The following CELA3A variants were observed in gnomAD, a reference collection of about 807,000 sequenced individuals.
CELA3A encodes chymotrypsin-like elastase family member 3A.
In CELA3A, 35 loss-of-function variants were observed where a neutral mutation model predicts 38.6. That is an observed-to-expected ratio of 0.91 (90% CI 0.69 to 1.20). The LOEUF (loss-of-function observed/expected upper bound fraction) is 1.20, where lower values mean the gene tolerates loss of function less well. Among genes scored for constraint, CELA3A ranks in the 50% most tolerant of loss-of-function variants. CELA3A has a pLI of 0.00. For missense variants in CELA3A, 343 were observed against 354.2 expected, an observed-to-expected ratio of 0.97 and a Z score of 0.25; for synonymous variants, 143 against 136.7, an observed-to-expected ratio of 1.05 and a Z score of -0.32.
intron 1 of CELA3A, chr1:22,002,750 G>A: frequency 6.0e-6 from 3 of 497,386 alleles, no homozygotes; most frequent in Non-Finnish European, 1.1e-5. Flanking sequence ...TGTTCTAAGT[G>A]TATCAAGCTC....
chr1:22,007,278 G>A (rs1644956453), intron 5 of CELA3A, 95 bp from the exon 6 acceptor site: 1 of 1,499,002 alleles, frequency 6.7e-7, no homozygotes, highest in Admixed American at 2.1e-5. Flanking sequence ...GTCCTCATCA[G>A]GGCAGAAGAA....
At position 22,005,698 on chromosome 1, in the gene CELA3A, C is replaced by A. The variant is rs765532472; in HGVS notation, c.264C>A (p.Tyr88Ter). The change falls in exon 4 of 8, where the codon TAC becomes TAA. Residue 88 changes from tyrosine to a stop codon, truncating the protein, a stop_gained. Transcript: ENST00000290122. LOFTEE classifies it high-confidence loss of function. Reference sequence around the variant, plus strand: ...CCTACCAGGTGGTGTTGGGTGAGTACAACCTTGCTGTGAAGGAGGGCCCCG... The same window carrying A: ...CCTACCAGGTGGTGTTGGGTGAGTAAAACCTTGCTGTGAAGGAGGGCCCCG... ...DLTYQVVLGE[Y>*]NLAVKEGPEQ... is the part of the protein sequence containing the mutation. The A allele has an allele frequency of 1.9e-6, 3 of 1,612,280 alleles. No individual in the cohort carries two copies. The highest frequency in any genetic ancestry group is 1.1e-5 in the South Asian group (1 of 91,032).
At chr1:22,005,625 C>T in intron 3 of CELA3A, 37 bp from the exon 4 acceptor site, 1 of 1,612,142 alleles carries the variant, frequency 6.2e-7, no homozygotes, top group Non-Finnish European at 8.5e-7. Flanking sequence ...GGGAGGTGAG[C>T]CAGTCAGGCC....
In CELA3A at chr1:22,005,700, A is replaced by G. The variant is rs1368516412; in HGVS notation, c.266A>G (p.Asn89Ser). ...LTYQVVLGEYNLAVKEGPEQV... is the reference protein window; with the variant it reads ...LTYQVVLGEYSLAVKEGPEQV... ...TACCAGGTGGTGTTGGGTGAGTACAACCTTGCTGTGAAGGAGGGCCCCGAG... is the reference window on the plus strand; with the variant it reads ...TACCAGGTGGTGTTGGGTGAGTACAGCCTTGCTGTGAAGGAGGGCCCCGAG... Residue 89 changes from asparagine (N) to serine (S), a missense_variant, in exon 4 of 8, where the codon AAC (asparagine) becomes AGC (serine). Transcript: ENST00000290122. The G allele has an allele frequency of 6.2e-7, 1 of 1,612,284 alleles. No individual in the cohort carries two copies. Among genetic ancestry groups the G allele is most frequent in the South Asian group, 1.1e-5 (1 of 91,024 alleles).
At chr1:22,009,313 G>C (rs1644969617) in intron 6 of CELA3A, among the ~76,000 whole-genome samples, 1 of 151,300 alleles carries the variant, frequency 6.6e-6, no homozygotes, top group Admixed American at 6.6e-5. Context: ...GCAGTGAGCT[G>C]AGATCCTGCC....
chr1:22,009,840 A>G lies in CELA3A; in HGVS notation c.778A>G (p.Ile260Val), dbSNP rs755056238. ...GGTGTTCACTCGAGTCTCCGCCTTC[A>G]TCGACTGGATTGAGGAGGTGAGGAG... ...PTVFTRVSAF[I>V]DWIEETIASH The change falls in exon 7 of 8, where the codon ATC becomes GTC. Residue 260 changes from isoleucine to valine, a missense_variant. By Grantham distance (29) the Ile-to-Val change is conservative. Coordinates refer to ENST00000290122, the MANE Select transcript of CELA3A (RefSeq NM_005747.5). 221 of 1,612,452 alleles carry G rather than the reference A, an allele frequency of 1.4e-4. 3 individuals carry two copies. The highest frequency in any genetic ancestry group is 1.8e-4 in the Non-Finnish European group (211 of 1,179,616).
chr1:22,011,846 A>G (rs1644985174), intron 7 of CELA3A, among the ~76,000 whole-genome samples: 1 of 125,986 alleles, frequency 7.9e-6, no homozygotes, highest in African/African-American at 3.3e-5. Context: ...CGAGGTCAGG[A>G]GATTGAGACC....
intron 7 of CELA3A, 151 bp from the exon 8 acceptor site, chr1:22,012,299 C>T: frequency 9.0e-7 from 1 of 1,115,432 alleles, no homozygotes; most frequent in Non-Finnish European, 1.3e-6. Context: ...AAGTTCTATC[C>T]CTACTACATA....
intron 7 of CELA3A, 32 bp downstream of exon 7, chr1:22,009,889 A>G (rs769918477): frequency 1.3e-6 from 2 of 1,597,608 alleles, no homozygotes; most frequent in East Asian, 4.5e-5. Context: ...GGAGGGCTTT[A>G]GGGTGGTGGC....
intron 2 of CELA3A, among the ~76,000 whole-genome samples, chr1:22,003,423 G>A (rs1223190614): frequency 6.6e-6 from 1 of 151,040 alleles, no homozygotes; most frequent in East Asian, 2.0e-4. Flanking sequence ...GATACTACAG[G>A]GCTTTGAGGT....
At chr1:22,011,312 C>T (rs1487087597) in intron 7 of CELA3A, among the ~76,000 whole-genome samples, 1 of 146,918 alleles carries the variant, frequency 6.8e-6, no homozygotes, top group Non-Finnish European at 1.5e-5. Flanking sequence ...ATCTGGGAGG[C>T]GGAGGTTGCA....
At chr1:22,002,629 C>G (rs533381882) in intron 1 of CELA3A, 2 of 457,770 alleles carry the variant, frequency 4.4e-6, no homozygotes, top group African/African-American at 4.0e-5. Context: ...AGGTGTGAAC[C>G]ACCACACACA....
At chr1:22,010,309 C>A in intron 7 of CELA3A, 1 of 332,364 alleles carries the variant, frequency 3.0e-6, no homozygotes, top group South Asian at 2.2e-5. Flanking sequence ...ACAGTAATAG[C>A]TAAACAACAA....
Position 22,005,434 on chromosome 1 carries a change from C to T in CELA3A, c.130-13C>T. 1.9e-6 allele frequency: 3 copies of T among 1,611,904 alleles called. No homozygotes were observed. In the South Asian group the frequency reaches 3.3e-5, roughly 18 times the overall value. ...GCCCAGCCCACTGAGGCCCTTTCCTCCTGGGCCACCAGGTTTCCCTGCAGT... is the reference window on the plus strand; with the variant it reads ...GCCCAGCCCACTGAGGCCCTTTCCTTCTGGGCCACCAGGTTTCCCTGCAGT... On this transcript the variant is annotated splice_polypyrimidine_tract_variant and intron_variant, in intron 2 of 7. Transcript: ENST00000290122.
chr1:22,009,174 G>A (rs1270294211), intron 6 of CELA3A, among the ~76,000 whole-genome samples: 1 of 151,146 alleles, frequency 6.6e-6, no homozygotes, highest in African/African-American at 2.5e-5. Context: ...GACCATCCTG[G>A]CTAACACGGT....
chr1:22,008,828 G>A (rs1644966885), intron 6 of CELA3A, among the ~76,000 whole-genome samples: 2 of 151,988 alleles, frequency 1.3e-5, no homozygotes, highest in Admixed American at 6.5e-5. Context: ...AATTAACTAT[G>A]GTGCCACTAA....
At chr1:22,011,056 G>A (rs1644981402) in intron 7 of CELA3A, 1 of 151,662 alleles carries the variant, frequency 6.6e-6, no homozygotes, top group Non-Finnish European at 1.5e-5. Context: ...GCGCAAGGAT[G>A]ACATGCAAAG....
chr1:22,006,866 C>T lies in CELA3A; in HGVS notation c.363-12C>T, dbSNP rs1303920512. ...GGAGGACCAGGCCCCGTGACTGTTC[C>T]CTCCTCCCCAGCAATGACATCGCCC... On this transcript the variant is annotated splice_polypyrimidine_tract_variant and intron_variant, in intron 4 of 7. Transcript: ENST00000290122. 12 of 1,610,750 alleles carry T rather than the reference C, an allele frequency of 7.4e-6. No individual in the cohort carries two copies. Among genetic ancestry groups the T allele is most frequent in the Non-Finnish European group, 1.0e-5 (12 of 1,178,504 alleles).
In CELA3A at chr1:22,005,532, G is replaced by T. The variant is rs1285963057; in HGVS notation, c.215G>T (p.Gly72Val). The stretch of plus-strand genomic sequence containing the variant: ...GCCCCCGATTGGGTTGTGACTGCCG[G>T]CCACTGCATCTCGTGAGTTCTCTAC... ...LIAPDWVVTA[G>V]HCISRDLTYQ... Residue 72 changes from glycine (G) to valine (V), a missense_variant, in exon 3 of 8, where the codon GGC becomes GTC. Gly to Val is a moderately radical substitution (Grantham distance 109). Transcript: ENST00000290122. 2.5e-6 allele frequency: 4 copies of T among 1,612,960 alleles called. No homozygotes were observed. In the Admixed American group the frequency reaches 6.7e-5, roughly 27 times the overall value.
Sources: gnomAD v4.1 joint callset for allele counts (sites outside exome capture counted in the v4.1 genomes callset) on GRCh38, gnomAD v4.1.1 for gene constraint, MANE v1.5 for transcripts, NCBI Gene and HGNC (gene_info 2026-07-23, HGNC 2026-07-21) for gene names.